The following NAAA variants were observed in gnomAD, a reference collection of about 807,000 sequenced individuals.
The protein encoded by NAAA is N-acylethanolamine acid amidase.
In NAAA, 39 loss-of-function variants were observed where a neutral mutation model predicts 44.8. The observed-to-expected ratio is 0.87, with a 90% CI of 0.67 to 1.14. NAAA has a LOEUF of 1.14. Ranked by LOEUF, NAAA falls within the 50% of genes most tolerant of loss-of-function variation. The pLI, the probability that NAAA is intolerant of heterozygous loss-of-function variation, is 0.00. For synonymous variants in NAAA, 178 were observed against 191.3 expected (o/e 0.93, Z 0.58); for missense variants, 460 against 467.8 (o/e 0.98, Z 0.15).
chr4:75,917,898 A>T, intron 9 of NAAA: 1 of 248,912 alleles, frequency 4.0e-6, no homozygotes, highest in Non-Finnish European at 8.2e-6. Flanking sequence ...AAAGAACATT[A>T]ACTAAGCGAA....
At chr4:75,931,689 T>C (rs1252294985) in intron 3 of NAAA, among the ~76,000 whole-genome samples, 3 of 152,216 alleles carry the variant, frequency 2.0e-5, no homozygotes, top group Admixed American at 6.5e-5. Flanking sequence ...GCTGCAGTTA[T>C]TTTGAAACAC....
chr4:75,939,260 C>T (rs2149292289), intron 2 of NAAA, among the ~76,000 whole-genome samples: 1 of 151,992 alleles, frequency 6.6e-6, no homozygotes, highest in East Asian at 1.9e-4. Context: ...ACTTCAGCCA[C>T]GACACACATG....
chr4:75,934,618 C>T (rs545600559), intron 3 of NAAA, among the ~76,000 whole-genome samples: 15 of 152,066 alleles, frequency 9.9e-5, no homozygotes, highest in Non-Finnish European at 1.9e-4. Flanking sequence ...TGAGCCACCG[C>T]GCCCAGCCAA....
At chr4:75,916,473 A>G (rs959052891) in intron 9 of NAAA, 7 of 152,204 alleles carry the variant, frequency 4.6e-5, no homozygotes, top group Admixed American at 3.3e-4. Flanking sequence ...TGACCAAACC[A>G]TTTCAGAAAC....
chr4:75,923,032 CTTT>C (rs78481348), intron 5 of NAAA, among the ~76,000 whole-genome samples: 49 of 144,332 alleles, frequency 3.4e-4, no homozygotes, highest in Non-Finnish European at 7.0e-4. Flanking sequence ...TTTCTTCTTC[CTTT>C]TTTTTTTTTA....
At chr4:75,914,550 T>G (rs1030578511) in intron 10 of NAAA, among the ~76,000 whole-genome samples, 3 of 151,984 alleles carry the variant, frequency 2.0e-5, no homozygotes, top group Non-Finnish European at 4.4e-5. Flanking sequence ...ACAGTTTTTT[T>G]GTAGTTTTAG....
intron 9 of NAAA, among the ~76,000 whole-genome samples, chr4:75,915,380 C>T (rs1725540863): frequency 6.6e-6 from 1 of 152,132 alleles, no homozygotes; most frequent in Admixed American, 6.6e-5. Flanking sequence ...TCTCAAGACT[C>T]CTCAGAGCTC....
At chr4:75,912,381 T>C (rs557301044), downstream of NAAA, among the ~76,000 whole-genome samples, 20 of 151,836 alleles carry the variant, frequency 1.3e-4, no homozygotes, top group African/African-American at 3.9e-4. Context: ...GGTGAAACCC[T>C]GTCTCTACTA....
At position 75,936,187 on chromosome 4, in the gene NAAA, A is replaced by G; in HGVS notation, c.420T>C (p.His140=). 2 of 1,614,104 alleles carry G rather than the reference A, an allele frequency of 1.2e-6. No homozygotes were observed. Among genetic ancestry groups the G allele is most frequent in the Non-Finnish European group, 1.7e-6 (2 of 1,179,984 alleles). Residue 140 remains histidine, a synonymous_variant, in exon 3 of 11, where the codon CAT becomes CAC. Coordinates refer to ENST00000286733, the MANE Select transcript of NAAA (RefSeq NM_014435.4). ...VAQDSRGHIY[H]GRNLDYPFGN... ...CAAAAGGATAATCCAAATTCCGACCATGGTAAATGTGGCCTCTGGAGTCTT... is the reference window on the plus strand; with the variant it reads ...CAAAAGGATAATCCAAATTCCGACCGTGGTAAATGTGGCCTCTGGAGTCTT...
intron 2 of NAAA, 81 bp from the exon 3 acceptor site, chr4:75,936,316 A>T (rs1375272028): frequency 6.7e-7 from 1 of 1,501,532 alleles, no homozygotes; most frequent in Admixed American, 2.1e-5. Context: ...TTTGTAAAAC[A>T]AATCCTCAAA....
chr4:75,920,708 C>G, intron 7 of NAAA, 30 bp downstream of exon 7: 1 of 1,614,036 alleles, frequency 6.2e-7, no homozygotes, highest in Non-Finnish European at 8.5e-7. Context: ...TAAGAAAACA[C>G]TGCAAACCAG....
intron 9 of NAAA, chr4:75,917,258 T>C (rs1018248579): frequency 9.7e-5 from 19 of 195,266 alleles, no homozygotes; most frequent in Non-Finnish European, 2.8e-5. Flanking sequence ...TTATTAAATA[T>C]GCAGGAAGTG....
intron 4 of NAAA, 76 bp downstream of exon 4, chr4:75,931,138 G>T: frequency 2.6e-6 from 3 of 1,168,654 alleles, no homozygotes; most frequent in African/African-American, 1.5e-5. Context: ...ATATTCTGTT[G>T]GGTGAGTGAA....
chr4:75,937,486 GTTATTTAT>G (rs140810688), intron 2 of NAAA, among the ~76,000 whole-genome samples: 2 of 150,986 alleles, frequency 1.3e-5, no homozygotes, highest in East Asian at 2.0e-4. Flanking sequence ...CAAGGTTTCT[GTTATTTAT>G]TTATTTATTT....
At chr4:75,931,079 A>G in intron 4 of NAAA, 135 bp downstream of exon 4, 1 of 639,202 alleles carries the variant, frequency 1.6e-6, no homozygotes, top group Non-Finnish European at 2.7e-6. Context: ...CATACTGTCC[A>G]CTTTCTCCCC....
At chr4:75,925,888 A>G in intron 4 of NAAA, 77 bp from the exon 5 acceptor site, 3 of 1,369,018 alleles carry the variant, frequency 2.2e-6, no homozygotes, top group Non-Finnish European at 3.1e-6. Flanking sequence ...TATTTTAGCA[A>G]GGAAATATAG....
At chr4:75,935,895 T>C in intron 3 of NAAA, 2 of 609,616 alleles carry the variant, frequency 3.3e-6, no homozygotes, top group Non-Finnish European at 5.6e-6. Flanking sequence ...CTGGGTGACC[T>C]CTTTAAGTAG....
chr4:75,927,764 T>C (rs994193312), intron 4 of NAAA, among the ~76,000 whole-genome samples: 1 of 150,684 alleles, frequency 6.6e-6, no homozygotes, highest in Admixed American at 6.6e-5. Flanking sequence ...AATGTGTGAT[T>C]TGAGACAGAA....
intron 2 of NAAA, among the ~76,000 whole-genome samples, chr4:75,937,579 G>C (rs575111622): frequency 6.6e-6 from 1 of 152,098 alleles, no homozygotes; most frequent in Non-Finnish European, 1.5e-5. Flanking sequence ...GTGACTTCCC[G>C]GGCTGAAGCG....
Sources: gnomAD v4.1 joint callset for allele counts (sites outside exome capture counted in the v4.1 genomes callset) on GRCh38, gnomAD v4.1.1 for gene constraint, MANE v1.5 for transcripts, NCBI Gene and HGNC (gene_info 2026-07-23, HGNC 2026-07-21) for gene names.